The following POMT2 variants were observed in gnomAD, a reference collection of about 807,000 sequenced individuals.
The protein encoded by POMT2 is protein O-mannosyltransferase 2.
POMT2 carries 75 observed loss-of-function variants against 100.0 expected under a neutral mutation model. That is an observed-to-expected ratio of 0.75 (90% CI 0.62 to 0.91). The LOEUF (loss-of-function observed/expected upper bound fraction) is 0.91, where lower values mean the gene tolerates loss of function less well. Ranked by LOEUF, POMT2 falls within the 40% of genes least tolerant of loss-of-function variation. The pLI is 0.00. For missense variants in POMT2, 940 were observed against 955.1 expected (o/e 0.98, Z 0.21); for synonymous variants, 378 against 374.1 (o/e 1.01, Z -0.12).
At chr14:77,277,916 C>T (rs1890032705) in intron 20 of POMT2, among the ~76,000 whole-genome samples, 1 of 152,170 alleles carries the variant, frequency 6.6e-6, no homozygotes, top group Non-Finnish European at 1.5e-5. Flanking sequence ...CTTCCCACCC[C>T]ACCCGTCGAG....
chr14:77,309,777 G>A (rs893396864), intron 2 of POMT2, among the ~76,000 whole-genome samples: 1 of 152,146 alleles, frequency 6.6e-6, no homozygotes, highest in African/African-American at 2.4e-5. Flanking sequence ...CTACCTCCCA[G>A]GTTCAAGCTG....
intron 9 of POMT2, among the ~76,000 whole-genome samples, chr14:77,295,413 A>G (rs1420735708): frequency 6.6e-6 from 1 of 152,132 alleles, no homozygotes; most frequent in African/African-American, 2.4e-5. Flanking sequence ...CAGGTGGATC[A>G]TGAGGTCAGG....
At chr14:77,279,471 A>G in intron 18 of POMT2, 1 of 485,162 alleles carries the variant, frequency 2.1e-6, no homozygotes, top group Non-Finnish European at 4.0e-6. Context: ...TGTACACAGC[A>G]TGGGGCTAAA....
chr14:77,306,824 G>T (rs2139502394), intron 2 of POMT2: 1 of 262,316 alleles, frequency 3.8e-6, no homozygotes, highest in East Asian at 9.8e-5. Flanking sequence ...TGGGGAATTG[G>T]CCTTTTGAAA....
At chr14:77,280,919 C>T (rs1713419333) in intron 15 of POMT2, among the ~76,000 whole-genome samples, 1 of 152,044 alleles carries the variant, frequency 6.6e-6, no homozygotes, top group Non-Finnish European at 1.5e-5. Flanking sequence ...TGGTAAAACC[C>T]CGTCTTTACT....
intron 8 of POMT2, 53 bp from the exon 9 acceptor site, chr14:77,296,326 T>C (rs1465673864): frequency 7.6e-7 from 1 of 1,318,714 alleles, no homozygotes; most frequent in Non-Finnish European, 1.1e-6. Context: ...CCAGAGGCTG[T>C]CCGTGCCTGC....
chr14:77,310,028 A>G (rs1053398270), intron 2 of POMT2, among the ~76,000 whole-genome samples: 2 of 152,222 alleles, frequency 1.3e-5, no homozygotes, highest in Non-Finnish European at 2.9e-5. Context: ...ACATGTCCAC[A>G]GTGCGCTGAG....
intron 8 of POMT2, among the ~76,000 whole-genome samples, chr14:77,297,270 G>A (rs10083527): frequency 1.3e-3 from 191 of 152,168 alleles, no homozygotes; most frequent in African/African-American, 4.3e-3. Context: ...CCCACTTCTC[G>A]ACCGCACACT....
At chr14:77,283,506 G>A (rs1223548675) in intron 15 of POMT2, among the ~76,000 whole-genome samples, 1 of 152,202 alleles carries the variant, frequency 6.6e-6, no homozygotes, top group African/African-American at 2.4e-5. Flanking sequence ...CTGTAACTGG[G>A]AATGATGGCA....
At chr14:77,309,371 T>C (rs1346560784) in intron 2 of POMT2, among the ~76,000 whole-genome samples, 2 of 152,178 alleles carry the variant, frequency 1.3e-5, no homozygotes, top group Non-Finnish European at 2.9e-5. Flanking sequence ...CCAGGGTTGG[T>C]AGGCAATGTG....
At chr14:77,280,778 G>GT (rs1890196517) in intron 15 of POMT2, among the ~76,000 whole-genome samples, 2 of 152,328 alleles carry the variant, frequency 1.3e-5, no homozygotes, top group African/African-American at 4.8e-5. Context: ...TGTGAAAATG[G>GT]TGGGAGAGAG....
At chr14:77,300,084 T>C (rs1890965323) in intron 6 of POMT2, 1 of 213,288 alleles carries the variant, frequency 4.7e-6, no homozygotes, top group African/African-American at 2.3e-5. Flanking sequence ...CTCTCTCCAT[T>C]GACCACAGAG....
chr14:77,279,626 G>C (rs1252437201), intron 18 of POMT2, 197 bp downstream of exon 18: 3 of 698,002 alleles, frequency 4.3e-6, no homozygotes, highest in Non-Finnish European at 7.8e-6. Flanking sequence ...CAACGCTCTA[G>C]TGTTGTTGGG....
chr14:77,296,341 A>C, intron 8 of POMT2, 68 bp from the exon 9 acceptor site: 1 of 1,097,544 alleles, frequency 9.1e-7, no homozygotes, highest in Non-Finnish European at 1.4e-6. Context: ...GCCTGCGAGG[A>C]GCCTCGGAAG....
At chr14:77,299,260 G>A (rs1890935820) in intron 7 of POMT2, among the ~76,000 whole-genome samples, 195 bp downstream of exon 7, 1 of 152,156 alleles carries the variant, frequency 6.6e-6, no homozygotes, top group South Asian at 2.1e-4. Context: ...CTTCCTTCAG[G>A]TTAGGGTGCT....
chr14:77,283,950 AC>A, intron 14 of POMT2, 77 bp from the exon 15 acceptor site: 1 of 1,259,506 alleles, frequency 7.9e-7, no homozygotes, highest in Non-Finnish European at 1.2e-6. Context: ...CCACATTCCC[AC>A]CAGAATCCAA....
intron 16 of POMT2, 88 bp from the exon 17 acceptor site, chr14:77,280,168 G>C (rs1594885579): frequency 1.2e-6 from 2 of 1,606,436 alleles, no homozygotes; most frequent in Non-Finnish European, 1.7e-6. Flanking sequence ...ACCTTCCACA[G>C]ACAGGGAGCC....
At chr14:77,279,295 CA>C (rs1157661153) in intron 18 of POMT2, 1 of 369,280 alleles carries the variant, frequency 2.7e-6, no homozygotes, top group Non-Finnish European at 5.2e-6. Flanking sequence ...GCTGCAGAGG[CA>C]AAAGGGCCTG....
Position 77,286,814 on chromosome 14 carries a change from C to G in POMT2, c.1262G>C (p.Arg421Pro). 6.2e-7 allele frequency: 1 copy of G among 1,614,036 alleles called. No homozygotes were observed. The highest frequency in any genetic ancestry group is 1.7e-5 in the Admixed American group (1 of 60,018). ...IIRLEHKETSRNLHSHYHEAP... is the reference protein window; with the variant it reads ...IIRLEHKETSPNLHSHYHEAP... ...CTCATGATAGTGACTGTGCAAGTTC[C>G]GGGAAGTTCTAGAAGTTAGAAAAGA... is the stretch of plus-strand genomic sequence containing the variant. The change falls in exon 12 of 21, where the codon CGG (arginine) becomes CCG (proline). Residue 421 changes from arginine to proline, a missense_variant. Transcript: ENST00000261534.
Sources: gnomAD v4.1 joint callset for allele counts (sites outside exome capture counted in the v4.1 genomes callset) on GRCh38, gnomAD v4.1.1 for gene constraint, MANE v1.5 for transcripts, NCBI Gene and HGNC (gene_info 2026-07-23, HGNC 2026-07-21) for gene names.